Variants in ACTR3 observed in about 807,000 individuals in gnomAD.
The protein encoded by ACTR3 is actin related protein 3, also known as actin-related protein 3.
In ACTR3, 12 loss-of-function variants were observed where a neutral mutation model predicts 56.8. The ratio of observed to expected loss-of-function variants is 0.21; its 90% CI spans 0.14 to 0.34. The LOEUF (loss-of-function observed/expected upper bound fraction) is 0.34, where lower values mean the gene tolerates loss of function less well. Among genes scored for constraint, ACTR3 ranks in the 10% least tolerant of loss-of-function variants. The probability of loss-of-function intolerance (pLI) is 1.00; values close to 1 mark genes in which losing one functional copy is unlikely to be tolerated. For synonymous variants in ACTR3, 162 were observed against 167.4 expected (o/e 0.97, Z 0.25); for missense variants, 282 against 512.5 (o/e 0.55, Z 4.34).
At chr2:113,894,500 A>G (rs569969473) in intron 1 of ACTR3, among the ~76,000 whole-genome samples, 1 of 152,378 alleles carries the variant, frequency 6.6e-6, no homozygotes, top group Non-Finnish European at 1.5e-5. Flanking sequence ...CATGCTTTGC[A>G]TGCTGTTTGA....
intron 2 of ACTR3, among the ~76,000 whole-genome samples, chr2:113,915,117 A>G (rs1259075203): frequency 6.6e-6 from 1 of 152,240 alleles, no homozygotes; most frequent in Admixed American, 6.5e-5. Context: ...GTGTTAGACC[A>G]TCGTGTATGT....
chr2:113,893,935 T>TG (rs1217920524), intron 1 of ACTR3, among the ~76,000 whole-genome samples: 1 of 152,158 alleles, frequency 6.6e-6, no homozygotes, highest in Non-Finnish European at 1.5e-5. Context: ...AAGAGGAGTA[T>TG]GTTCATCTTG....
At chr2:113,893,131 A>T (rs1678938164) in intron 1 of ACTR3, among the ~76,000 whole-genome samples, 2 of 152,214 alleles carry the variant, frequency 1.3e-5, no homozygotes, top group Non-Finnish European at 2.9e-5. Context: ...ACAGAACTCA[A>T]ACCTGCTATT....
intron 1 of ACTR3, among the ~76,000 whole-genome samples, chr2:113,911,113 A>T (rs756970813): frequency 9.9e-5 from 15 of 152,162 alleles, no homozygotes; most frequent in Non-Finnish European, 1.8e-4. Flanking sequence ...AGAGCATCTA[A>T]TGTAGTAGGA....
At position 113,912,231 on chromosome 2, in the gene ACTR3, G is replaced by A. The variant is rs535757351; in HGVS notation, c.45-941G>A. On this transcript the variant is annotated intron_variant, in intron 1 of 11. Coordinates refer to ENST00000263238, the MANE Select transcript of ACTR3 (RefSeq NM_005721.5). ...TAGAAAAAAGATTCTTCAGATATTA[G>A]AGTCCAAGAATGTCACAGCAATTAC... 4.0e-5 allele frequency among the ~76,000 whole-genome samples: 6 copies of A among 151,894 alleles called. No individual in the cohort carries two copies. The South Asian group carries it at 1.2e-3, about 32-fold the overall frequency.
At chr2:113,944,900 C>A (rs1457658230) in intron 8 of ACTR3, among the ~76,000 whole-genome samples, 1 of 152,058 alleles carries the variant, frequency 6.6e-6, no homozygotes, top group Non-Finnish European at 1.5e-5. Flanking sequence ...ATACCCAAAA[C>A]TTTTAGTTGT....
intron 3 of ACTR3, among the ~76,000 whole-genome samples, chr2:113,919,144 A>G (rs1039242333): frequency 2.6e-5 from 4 of 152,252 alleles, no homozygotes. Context: ...CACTTAACAA[A>G]TACTTAACTC....
intron 1 of ACTR3, among the ~76,000 whole-genome samples, chr2:113,901,633 A>T (rs1394165): frequency 6.6e-6 from 1 of 152,042 alleles, no homozygotes; most frequent in Non-Finnish European, 1.5e-5. Context: ...AAGGTTTTGG[A>T]AAGAGTTGTG....
intron 6 of ACTR3, 144 bp downstream of exon 6, chr2:113,934,530 C>A: frequency 2.0e-6 from 1 of 493,702 alleles, no homozygotes; most frequent in Non-Finnish European, 3.5e-6. Flanking sequence ...ATGTTTTGCT[C>A]ACCGTTTAAA....
chr2:113,943,565 T>C (rs17046227), intron 8 of ACTR3, among the ~76,000 whole-genome samples: 4,831 of 152,302 alleles, frequency 0.032, 263 homozygotes, highest in African/African-American at 0.11. Flanking sequence ...GTGATTTTAC[T>C]ATAGTATTTT....
At chr2:113,899,416 T>G (rs1679061577) in intron 1 of ACTR3, among the ~76,000 whole-genome samples, 1 of 152,242 alleles carries the variant, frequency 6.6e-6, no homozygotes, top group African/African-American at 2.4e-5. Context: ...CAAGTATTTA[T>G]TTCAGTCTCA....
At chr2:113,917,868 G>C (rs1679436330) in intron 3 of ACTR3, among the ~76,000 whole-genome samples, 1 of 152,200 alleles carries the variant, frequency 6.6e-6, no homozygotes, top group South Asian at 2.1e-4. Context: ...CACACACAGT[G>C]CTCTGTGCAT....
At chr2:113,939,318 G>A (rs1277930936) in intron 6 of ACTR3, among the ~76,000 whole-genome samples, 3 of 152,110 alleles carry the variant, frequency 2.0e-5, no homozygotes, top group Admixed American at 6.5e-5. Context: ...CACCGCGCCC[G>A]GCCGAAAACC....
chr2:113,928,873 A>G (rs1679667184), intron 4 of ACTR3, among the ~76,000 whole-genome samples: 1 of 152,148 alleles, frequency 6.6e-6, no homozygotes, highest in Non-Finnish European at 1.5e-5. Context: ...TTTGTAATTA[A>G]TCTCTGCCCC....
intron 4 of ACTR3, among the ~76,000 whole-genome samples, chr2:113,929,944 G>A (rs1374794385): frequency 6.6e-6 from 1 of 152,150 alleles, no homozygotes; most frequent in Non-Finnish European, 1.5e-5. Flanking sequence ...CTCCCAAAGT[G>A]CTGGGATTAT....
At chr2:113,896,584 C>G (rs960605423) in intron 1 of ACTR3, among the ~76,000 whole-genome samples, 5 of 152,108 alleles carry the variant, frequency 3.3e-5, no homozygotes, top group African/African-American at 1.2e-4. Context: ...TGGAAACATT[C>G]TAGAGGAAAT....
intron 4 of ACTR3, 137 bp downstream of exon 4, chr2:113,927,592 C>T: frequency 1.8e-6 from 1 of 561,958 alleles, no homozygotes; most frequent in South Asian, 3.1e-5. Flanking sequence ...GCTGTATCAT[C>T]TTTAAGACCA....
At chr2:113,898,344 C>A (rs1285183069) in intron 1 of ACTR3, among the ~76,000 whole-genome samples, 3 of 151,996 alleles carry the variant, frequency 2.0e-5, no homozygotes, top group African/African-American at 7.2e-5. Flanking sequence ...TAATTTAATC[C>A]AGTCTTCATT....
chr2:113,946,750 A>G (rs773468731), intron 8 of ACTR3, among the ~76,000 whole-genome samples: 4 of 152,140 alleles, frequency 2.6e-5, no homozygotes, highest in Admixed American at 6.5e-5. Context: ...TCATCATGGA[A>G]TCTTTGCCCA....
Sources: gnomAD v4.1 joint callset for allele counts (sites outside exome capture counted in the v4.1 genomes callset) on GRCh38, gnomAD v4.1.1 for gene constraint, MANE v1.5 for transcripts, NCBI Gene and HGNC (gene_info 2026-07-23, HGNC 2026-07-21) for gene names.